The following KPNA6 variants were observed in gnomAD, a reference collection of about 807,000 sequenced individuals.
KPNA6 encodes the protein importin subunit alpha-7.
KPNA6 carries 9 observed loss-of-function variants against 72.0 expected under a neutral mutation model. That is an observed-to-expected ratio of 0.13 (90% CI 0.08 to 0.22). The LOEUF is 0.22. Ranked by LOEUF, KPNA6 falls within the 10% of genes least tolerant of loss-of-function variation. KPNA6 has a pLI of 1.00. For synonymous variants in KPNA6, 219 were observed against 242.1 expected, an observed-to-expected ratio of 0.90 and a Z score of 0.89; for missense variants, 374 against 655.7, an observed-to-expected ratio of 0.57 and a Z score of 4.69.
chr1:32,114,773 C>CT (rs1435618993), intron 1 of KPNA6, among the ~76,000 whole-genome samples: 2 of 152,182 alleles, frequency 1.3e-5, no homozygotes, highest in African/African-American at 2.4e-5. Context: ...AGTGTAGCCA[C>CT]TTTCATTAAT....
intron 1 of KPNA6, among the ~76,000 whole-genome samples, chr1:32,150,218 C>T (rs1178259312): frequency 1.3e-5 from 2 of 149,346 alleles, no homozygotes; most frequent in Admixed American, 6.8e-5. Flanking sequence ...CTGCAACCTC[C>T]GCCTCCCGGG....
intron 1 of KPNA6, among the ~76,000 whole-genome samples, chr1:32,119,920 A>AT (rs1353836958): frequency 7.9e-5 from 12 of 151,422 alleles, no homozygotes; most frequent in African/African-American, 2.4e-4. Context: ...AATTTTTGTA[A>AT]TTTTAGTAGA....
intron 1 of KPNA6, among the ~76,000 whole-genome samples, chr1:32,138,986 C>T (rs544249006): frequency 5.9e-5 from 9 of 152,216 alleles, no homozygotes; most frequent in South Asian, 4.1e-4. Flanking sequence ...CTTCTGTAGT[C>T]TGCTTTTGGA....
At chr1:32,152,548 T>C (rs1570048597) in intron 1 of KPNA6, among the ~76,000 whole-genome samples, 2 of 151,916 alleles carry the variant, frequency 1.3e-5, no homozygotes, top group African/African-American at 4.8e-5. Flanking sequence ...AAAGGTAATA[T>C]AGAAGTATAG....
intron 5 of KPNA6, among the ~76,000 whole-genome samples, chr1:32,159,030 C>T (rs1642192841): frequency 6.6e-6 from 1 of 152,082 alleles, no homozygotes; most frequent in South Asian, 2.1e-4. Context: ...TTTGAGAGAC[C>T]CATTTCATTC....
chr1:32,167,693 C>T (rs1431306061), intron 12 of KPNA6, among the ~76,000 whole-genome samples: 4 of 152,010 alleles, frequency 2.6e-5, no homozygotes, highest in South Asian at 2.1e-4. Context: ...CATAAGAAGA[C>T]TCTGTCTCTA....
intron 1 of KPNA6, among the ~76,000 whole-genome samples, chr1:32,118,742 T>C (rs1641370415): frequency 6.6e-6 from 1 of 151,868 alleles, no homozygotes; most frequent in Non-Finnish European, 1.5e-5. Context: ...CAGTGAGTTA[T>C]ATGATCTCAC....
chr1:32,141,295 T>G (rs1641831241), intron 1 of KPNA6, among the ~76,000 whole-genome samples: 1 of 151,446 alleles, frequency 6.6e-6, no homozygotes, highest in African/African-American at 2.4e-5. Flanking sequence ...TATGGCAATC[T>G]TGCTACTCAC....
In KPNA6 at chr1:32,168,654, T is replaced by A. The variant is rs191939638; in HGVS notation, c.1245-1228T>A. 2.0e-4 allele frequency among the ~76,000 whole-genome samples: 31 copies of A among 152,186 alleles called. No homozygotes were observed. In the East Asian group the frequency reaches 6.0e-3, roughly 29 times the overall value. Reference sequence around the variant, plus strand: ...TGAGTTAAGCTTTGAAGGATAAATATGGGATTGTAAAAGGCCTCTTAGACA... The same window carrying A: ...TGAGTTAAGCTTTGAAGGATAAATAAGGGATTGTAAAAGGCCTCTTAGACA... On this transcript the variant is annotated intron_variant, in intron 12 of 13. Transcript: ENST00000373625.
chr1:32,153,016 CA>C (rs766574019), intron 1 of KPNA6, among the ~76,000 whole-genome samples: 1,525 of 34,908 alleles, frequency 0.044, 2 homozygotes, highest in African/African-American at 0.053. Context: ...GACTCCATCT[CA>C]AAAAAAAAAA....
In KPNA6 at chr1:32,108,256, G is replaced by A. The variant is rs1641179230; in HGVS notation, c.4+122G>A. On this transcript the variant is annotated intron_variant, in intron 1 of 13. Coordinates refer to ENST00000373625, the MANE Select transcript of KPNA6 (RefSeq NM_012316.5). ...GCATCCCCTCTAGCTAGGTCTGAGG[G>A]GAAAAGTCAGGCCGGGAGTGCCCCT... 14 of 1,417,384 alleles carry A rather than the reference G, an allele frequency of 9.9e-6. No homozygotes were observed. The Middle Eastern group carries it at 7.2e-4, about 73-fold the overall frequency. 87.8% of individuals were successfully genotyped at this position (1,417,384 alleles called of 1,614,324 possible).
intron 1 of KPNA6, among the ~76,000 whole-genome samples, chr1:32,118,069 T>G (rs1438837557): frequency 2.0e-5 from 3 of 152,238 alleles, no homozygotes; most frequent in Admixed American, 2.0e-4. Flanking sequence ...ATTACAGGCA[T>G]GCACCACCAT....
At chr1:32,116,566 A>G (rs935583292) in intron 1 of KPNA6, among the ~76,000 whole-genome samples, 1 of 152,080 alleles carries the variant, frequency 6.6e-6, no homozygotes, top group Non-Finnish European at 1.5e-5. Flanking sequence ...GCTGAGGCAG[A>G]AGAATCGCTT....
Position 32,138,915 on chromosome 1 carries a change from A to T in KPNA6, c.5-15673A>T, listed in dbSNP as rs1281156030. ...TGTAGTTTTTATAATGGATGGTTTT[A>T]GTTTAATTTTCACATGAATTCTGGA... On this transcript the variant is annotated intron_variant, in intron 1 of 13. Transcript: ENST00000373625. Among the ~76,000 whole-genome samples the T allele has an allele frequency of 2.0e-5, 3 of 152,040 alleles. No individual in the cohort carries two copies. The East Asian group carries it at 5.8e-4, about 29-fold the overall frequency.
intron 1 of KPNA6, among the ~76,000 whole-genome samples, chr1:32,146,178 T>C (rs908988410): frequency 6.0e-4 from 91 of 152,258 alleles, no homozygotes; most frequent in African/African-American, 2.0e-3. Flanking sequence ...GTTCTGTTCA[T>C]TATTGAACGT....
At chr1:32,167,015 C>A (rs538280679) in intron 11 of KPNA6, among the ~76,000 whole-genome samples, 154 bp from the exon 12 acceptor site, 7 of 152,160 alleles carry the variant, frequency 4.6e-5, no homozygotes, top group Admixed American at 3.9e-4. Context: ...AAACTGGGTT[C>A]TTCTGTAGTA....
chr1:32,143,621 T>C (rs1392462959), intron 1 of KPNA6, among the ~76,000 whole-genome samples: 1 of 150,576 alleles, frequency 6.6e-6, no homozygotes, highest in Non-Finnish European at 1.5e-5. Context: ...ATAAAATATA[T>C]GTAACAAAAT....
rs542125438 is a variant in KPNA6, at chr1:32,172,209, C to T, written c.*1315C>T. ...GAGGCCTGAGCTTGGTCCTTTTCCTCTCTGCTTGGATTCTGGACCACCACC... is the reference window on the plus strand; with the variant it reads ...GAGGCCTGAGCTTGGTCCTTTTCCTTTCTGCTTGGATTCTGGACCACCACC... On this transcript the variant is annotated 3_prime_UTR_variant, in exon 14 of 14. Transcript: ENST00000373625. The T allele has an allele frequency of 1.8e-4, 27 of 152,200 alleles. No individual in the cohort carries two copies. Among genetic ancestry groups the T allele is most frequent in the African/African-American group, 6.5e-4 (27 of 41,516 alleles). 9.4% of individuals were successfully genotyped at this position (152,200 alleles called of 1,614,324 possible). A position where few individuals can be genotyped will look rare whatever the true frequency, so the allele number is the denominator to read the frequency against.
chr1:32,121,314 AG>A (rs572245722), intron 1 of KPNA6, among the ~76,000 whole-genome samples: 1 of 152,194 alleles, frequency 6.6e-6, no homozygotes, highest in African/African-American at 2.4e-5. Flanking sequence ...GCTGAAGCCA[AG>A]GGGAAAAAAA....
Sources: allele counts gnomAD v4.1 joint callset (sites outside exome capture counted in the v4.1 genomes callset), GRCh38; gene constraint gnomAD v4.1.1; transcripts MANE v1.5; gene names NCBI Gene and HGNC (gene_info 2026-07-23, HGNC 2026-07-21).